The following PER3 variants were observed in gnomAD, a reference collection of about 807,000 sequenced individuals.
PER3 encodes the protein period circadian regulator 3.
Under a neutral mutation model 127.2 loss-of-function variants are expected in PER3, and 107 were observed. The ratio of observed to expected loss-of-function variants is 0.84; its 90% CI spans 0.72 to 0.99. The LOEUF (loss-of-function observed/expected upper bound fraction) is 0.99. Ranked by LOEUF, PER3 falls within the 50% of genes least tolerant of loss-of-function variation. The pLI is 0.00. For synonymous variants in PER3, 618 were observed against 585.8 expected (o/e 1.05, Z -0.79); for missense variants, 1,560 against 1,525.8 (o/e 1.02, Z -0.37).
chr1:7,823,083 A>G (rs1409352029), intron 16 of PER3, among the ~76,000 whole-genome samples: 1 of 152,166 alleles, frequency 6.6e-6, no homozygotes, highest in Admixed American at 6.5e-5. Flanking sequence ...AAAAATAAGT[A>G]AATACATGAA....
intron 19 of PER3, among the ~76,000 whole-genome samples, chr1:7,831,590 T>C (rs1014576179): frequency 6.6e-6 from 1 of 152,218 alleles, no homozygotes. Context: ...TTTCCTTGAA[T>C]GCCCTTATCA....
chr1:7,826,685 C>T lies in PER3; in HGVS notation c.2163C>T (p.Ser721=). 1.9e-6 allele frequency: 3 copies of T among 1,605,848 alleles called. No homozygotes were observed. The highest frequency in any genetic ancestry group is 2.6e-6 in the Non-Finnish European group (3 of 1,172,522). ...CCTATCTTCAGCAAGAAAGCAGGAG[C>T]AAAGCTAAATATTCATATTTTCAAG... ...YSSYLQQESR[S]KAKYSYFQGD... is the part of the protein sequence containing the mutation. The change falls in exon 17 of 22, where the codon AGC becomes AGT. Residue 721 remains serine, a synonymous_variant. Coordinates refer to ENST00000377532, the MANE Select transcript of PER3 (RefSeq NM_001377275.1). This position sits in a 1 kb window ranked among gnomAD's most constrained non-coding sequence, Gnocchi z 4.2.
rs370974877 is a variant in PER3, at chr1:7,826,543, C to G, written c.2021C>G (p.Ser674Trp). 4 of 1,614,002 alleles carry G rather than the reference C, an allele frequency of 2.5e-6. No individual in the cohort carries two copies. The East Asian group carries it at 8.9e-5, about 36-fold the overall frequency. ...AACATGCAGCCAGCCCCTTTGACCT[C>G]GGAAGAATTTAAACACGTGGGGCTC... The part of the protein sequence containing the change: ...TLNMQPAPLT[S>W]EEFKHVGLTA... The change falls in exon 17 of 22, where the codon TCG (serine) becomes TGG (tryptophan). Residue 674 changes from serine (S) to tryptophan (W), a missense_variant. Transcript: ENST00000377532. This position sits in a 1 kb window ranked among gnomAD's most constrained non-coding sequence, Gnocchi z 4.2.
Position 7,801,184 on chromosome 1 carries a change from G to C in PER3, c.865G>C (p.Asp289His), listed in dbSNP as rs1290464310. ...CCCAGGGTGTGTTTTTCTTGAAGTA[G>C]ATGAAAAGTAAGTACTTCTTTAAGC... ...HTPGCVFLEV[D>H]EKAVPLLGYL... The change falls in exon 8 of 22, where the codon GAT (aspartate) becomes CAT (histidine). Residue 289 changes from aspartate (D) to histidine (H), a missense_variant. Transcript: ENST00000377532. The C allele has an allele frequency of 6.4e-7, 1 of 1,562,900 alleles. No individual in the cohort carries two copies. Among genetic ancestry groups the C allele is most frequent in the Non-Finnish European group, 8.8e-7 (1 of 1,140,394 alleles).
chr1:7,840,382 C>T (rs1193687721), intron 21 of PER3, among the ~76,000 whole-genome samples: 1 of 151,220 alleles, frequency 6.6e-6, no homozygotes, highest in Non-Finnish European at 1.5e-5. Context: ...GGCTGGAGTG[C>T]AGTGGCATGA....
chr1:7,840,466 A>G (rs1451876685), intron 21 of PER3, among the ~76,000 whole-genome samples: 1 of 149,300 alleles, frequency 6.7e-6, no homozygotes, highest in Non-Finnish European at 1.5e-5. Context: ...TAGCTAGCAC[A>G]CACCACCATG....
chr1:7,813,009 G>A (rs2097227646), intron 13 of PER3, among the ~76,000 whole-genome samples: 1 of 152,326 alleles, frequency 6.6e-6, no homozygotes, highest in East Asian at 1.9e-4. Flanking sequence ...TTGTTTACAT[G>A]TGTTATAGGA....
intron 21 of PER3, among the ~76,000 whole-genome samples, chr1:7,839,546 C>G (rs746403274): frequency 6.6e-6 from 1 of 152,218 alleles, no homozygotes; most frequent in Non-Finnish European, 1.5e-5. Context: ...CATTTCAACC[C>G]TGCAGGACTC....
chr1:7,828,031 T>A (rs1380966054), intron 18 of PER3, among the ~76,000 whole-genome samples: 2 of 152,252 alleles, frequency 1.3e-5, no homozygotes, highest in African/African-American at 4.8e-5. Context: ...TTCTAGTTTC[T>A]TATATACTTT....
At chr1:7,833,843 G>A (rs910309262) in intron 19 of PER3, among the ~76,000 whole-genome samples, 2 of 151,080 alleles carry the variant, frequency 1.3e-5, no homozygotes, top group East Asian at 1.9e-4. Context: ...TCCTCCTTTC[G>A]GGTTAATTGT....
At chr1:7,786,211 C>T (rs954010578) in intron 3 of PER3, among the ~76,000 whole-genome samples, 1 of 152,126 alleles carries the variant, frequency 6.6e-6, no homozygotes, top group African/African-American at 2.4e-5. Flanking sequence ...GCCGAGATCA[C>T]GCCACTGCAC....
In PER3 at chr1:7,826,952, T is replaced by C. The variant is rs938529365; in HGVS notation, c.2189-166T>C. ...TGAAATAAGTTTATTTGATAGCAAC[T>C]ATTTTTATCCGGAATTTTGTTCATC... On this transcript the variant is annotated intron_variant, in intron 17 of 21. Coordinates refer to ENST00000377532, the MANE Select transcript of PER3 (RefSeq NM_001377275.1). This position sits in a 1 kb window ranked among gnomAD's most constrained non-coding sequence, Gnocchi z 4.2. Among the ~76,000 whole-genome samples the C allele has an allele frequency of 3.3e-5, 5 of 152,192 alleles. No homozygotes were observed. Among genetic ancestry groups the C allele is most frequent in the Non-Finnish European group, 2.9e-5 (2 of 68,030 alleles).
In PER3 at chr1:7,826,604, A is replaced by G. The variant is rs185373087; in HGVS notation, c.2082A>G (p.Glu694=). The G allele has an allele frequency of 6.2e-7, 1 of 1,613,452 alleles. No homozygotes were observed. Among genetic ancestry groups the G allele is most frequent in the East Asian group, 2.2e-5 (1 of 44,884 alleles). Residue 694 remains glutamate, a synonymous_variant, in exon 17 of 22, where the codon GAA becomes GAG. Coordinates refer to ENST00000377532, the MANE Select transcript of PER3 (RefSeq NM_001377275.1). This position sits in a 1 kb window ranked among gnomAD's most constrained non-coding sequence, Gnocchi z 4.2. ...AAVLSAHTQK[E]EQNYVDKFRE... ...TTCTGTCAGCGCACACCCAGAAGGAAGAGCAGAATTATGTTGATAAATTCC... is the reference window on the plus strand; with the variant it reads ...TTCTGTCAGCGCACACCCAGAAGGAGGAGCAGAATTATGTTGATAAATTCC...
intron 8 of PER3, among the ~76,000 whole-genome samples, chr1:7,801,901 A>C (rs2097172393): frequency 6.6e-6 from 1 of 152,194 alleles, no homozygotes; most frequent in Non-Finnish European, 1.5e-5. Context: ...ACCACACCAC[A>C]CATAACTGAA....
In PER3 at chr1:7,798,642, T is replaced by C. The variant is rs1322816224; in HGVS notation, c.762T>C (p.Thr254=). The C allele has an allele frequency of 7.4e-6, 12 of 1,613,840 alleles. No homozygotes were observed. The East Asian group carries it at 2.2e-4, about 30-fold the overall frequency. The change falls in exon 7 of 22, where the codon ACT becomes ACC. Residue 254 remains threonine, a synonymous_variant. Coordinates refer to ENST00000377532, the MANE Select transcript of PER3 (RefSeq NM_001377275.1). ...TGGAATCGGAACCTTGCTGTCTCAC[T>C]GTGGTTGAAAAGATTCACTCTGGTT... ...PELESEPCCL[T]VVEKIHSGYE... is the part of the protein sequence containing the mutation.
chr1:7,838,283 G>A (rs953217357), intron 21 of PER3, among the ~76,000 whole-genome samples: 16 of 152,046 alleles, frequency 1.1e-4, no homozygotes, highest in African/African-American at 3.9e-4. Context: ...TTCACATTAT[G>A]CAACCATCAC....
At chr1:7,791,232 T>C (rs1391617631) in intron 5 of PER3, among the ~76,000 whole-genome samples, 1 of 152,254 alleles carries the variant, frequency 6.6e-6, no homozygotes, top group African/African-American at 2.4e-5. Context: ...TCCAGGCATT[T>C]CCGTACATCC....
chr1:7,786,890 T>A (rs922283396), intron 4 of PER3, 54 bp downstream of exon 4: 1 of 953,526 alleles, frequency 1.0e-6, no homozygotes, highest in Non-Finnish European at 1.7e-6. Flanking sequence ...CCTAAGGGCC[T>A]GCTCTAGATG....
At chr1:7,809,846 A>ATT in intron 11 of PER3, 47 bp from the exon 12 acceptor site, 1 of 1,590,244 alleles carries the variant, frequency 6.3e-7, no homozygotes, top group Non-Finnish European at 8.6e-7. Flanking sequence ...CGGTGGCTGC[A>ATT]TTTGAACAGC....
Sources: gnomAD v4.1 joint callset for allele counts (sites outside exome capture counted in the v4.1 genomes callset) on GRCh38, gnomAD v4.1.1 for gene constraint, Gnocchi (gnomAD v3.1) non-coding constraint, MANE v1.5 for transcripts, NCBI Gene and HGNC (gene_info 2026-07-23, HGNC 2026-07-21) for gene names.